The following DIAPH2 variants were observed in gnomAD, a reference collection of about 807,000 sequenced individuals.
The protein encoded by DIAPH2 is diaphanous related formin 2, also known as protein diaphanous homolog 2.
A neutral mutation model predicts 92.7 loss-of-function variants in DIAPH2; 35 were observed. The observed-to-expected ratio is 0.38, with a 90% CI of 0.29 to 0.50. The LOEUF is 0.50. Ranked by LOEUF, DIAPH2 falls within the 20% of genes least tolerant of loss-of-function variation. The probability of loss-of-function intolerance (pLI) is 0.94; values close to 1 mark genes in which losing one functional copy is unlikely to be tolerated. For missense variants in DIAPH2, 701 were observed against 819.5 expected, an observed-to-expected ratio of 0.86 and a Z score of 1.77; for synonymous variants, 301 against 280.4, an observed-to-expected ratio of 1.07 and a Z score of -0.73.
At chrX:97,424,326 C>T (rs1209379913) in intron 25 of DIAPH2, among the ~76,000 whole-genome samples, 1 of 110,753 alleles carries the variant, frequency 9.0e-6, no homozygotes, top group Non-Finnish European at 1.9e-5. Context: ...CAATATTACC[C>T]CAAAAGGGAT....
Position 97,477,002 on chromosome X carries a change from C to T in DIAPH2, c.3241+47257C>T, listed in dbSNP as rs1197284180. The stretch of plus-strand genomic sequence containing the variant: ...ATATATATACACACACACACACACA[C>T]ACACACACACACACACACACACATA... On this transcript the variant is annotated intron_variant, in intron 26 of 26. Transcript: ENST00000324765. Among the ~76,000 whole-genome samples, 79 of 91,779 alleles carry T rather than the reference C, an allele frequency of 8.6e-4. 3 individuals carry two copies. Among genetic ancestry groups the T allele is most frequent in the African/African-American group, 3.1e-3 (75 of 23,981 alleles). The allele number at this position is 91,779 out of a possible 115,157, so 79.7% of individuals were successfully genotyped here. A position where few individuals can be genotyped will look rare whatever the true frequency, so the allele number is the denominator to read the frequency against.
At chrX:97,391,052 T>C (rs1473484507) in intron 25 of DIAPH2, among the ~76,000 whole-genome samples, 2 of 111,220 alleles carry the variant, frequency 1.8e-5, no homozygotes, top group Non-Finnish European at 3.8e-5. Flanking sequence ...ATACTTGGAC[T>C]ATATGTGCCT....
At chrX:97,034,893 A>G (rs2066400088) in intron 17 of DIAPH2, among the ~76,000 whole-genome samples, 1 of 111,673 alleles carries the variant, frequency 9.0e-6, no homozygotes, top group Non-Finnish European at 1.9e-5. Context: ...CTACTTCTCA[A>G]ACCTTGTCAG....
chrX:97,109,313 C>A (rs144881189), intron 20 of DIAPH2, among the ~76,000 whole-genome samples: 1 of 110,840 alleles, frequency 9.0e-6, no homozygotes, highest in South Asian at 3.9e-4. Flanking sequence ...CCTGGCTACT[C>A]GGGAGGCTGA....
At chrX:96,739,511 A>G (rs1296704087) in intron 3 of DIAPH2, among the ~76,000 whole-genome samples, 1 of 111,634 alleles carries the variant, frequency 9.0e-6, no homozygotes, top group African/African-American at 3.3e-5. Flanking sequence ...AGGTCGCCTT[A>G]CACCAAAATA....
At chrX:97,499,356 A>G (rs766682121) in intron 26 of DIAPH2, among the ~76,000 whole-genome samples, 2 of 112,091 alleles carry the variant, frequency 1.8e-5, no homozygotes, top group African/African-American at 3.2e-5. Flanking sequence ...GTGATACATT[A>G]ATGAATAACC....
At chrX:97,176,936 C>T (rs2067497410) in intron 22 of DIAPH2, among the ~76,000 whole-genome samples, 1 of 111,922 alleles carries the variant, frequency 8.9e-6, no homozygotes, top group Non-Finnish European at 1.9e-5. Context: ...CTCCCATATA[C>T]TTTAAATCAT....
At chrX:96,939,063 G>A (rs1024579887) in intron 11 of DIAPH2, among the ~76,000 whole-genome samples, 2 of 111,054 alleles carry the variant, frequency 1.8e-5, no homozygotes, top group Non-Finnish European at 3.8e-5. Context: ...ATGCTCTTGA[G>A]GTCTGTCTCT....
intron 4 of DIAPH2, among the ~76,000 whole-genome samples, chrX:96,846,335 C>CG (rs1279181867): frequency 1.8e-5 from 2 of 110,286 alleles, no homozygotes; most frequent in Non-Finnish European, 3.8e-5. Flanking sequence ...TTAGCAGAGA[C>CG]GGGGTTTCAC....
chrX:96,933,522 A>ATG (rs1190983598), intron 10 of DIAPH2, among the ~76,000 whole-genome samples: 4 of 104,745 alleles, frequency 3.8e-5, no homozygotes, highest in South Asian at 8.5e-4. Flanking sequence ...GTATATATAT[A>ATG]TGTGTGTGTA....
chrX:96,893,520 C>T (rs889337997), intron 5 of DIAPH2, among the ~76,000 whole-genome samples: 1 of 111,802 alleles, frequency 8.9e-6, no homozygotes, highest in Non-Finnish European at 1.9e-5. Flanking sequence ...GGATATTGGA[C>T]AACAACAGTA....
chrX:97,178,135 A>T (rs2067508026), intron 22 of DIAPH2, among the ~76,000 whole-genome samples: 1 of 110,200 alleles, frequency 9.1e-6, no homozygotes, highest in Non-Finnish European at 1.9e-5. Context: ...CTTGGGGGGA[A>T]TGCTGATGCA....
intron 25 of DIAPH2, among the ~76,000 whole-genome samples, chrX:97,423,137 T>A (rs1427799245): frequency 1.8e-5 from 2 of 111,429 alleles, no homozygotes; most frequent in Non-Finnish European, 3.8e-5. Flanking sequence ...AACCCAAATC[T>A]TTTATAATGG....
At chrX:97,166,240 T>C (rs773068458) in intron 22 of DIAPH2, among the ~76,000 whole-genome samples, 146 of 111,792 alleles carry the variant, frequency 1.3e-3, no homozygotes, top group African/African-American at 4.5e-3. Context: ...AAAAGTAAGA[T>C]ATCATTGCTG....
chrX:97,494,792 C>T (rs2070747617), intron 26 of DIAPH2, among the ~76,000 whole-genome samples: 1 of 112,353 alleles, frequency 8.9e-6, no homozygotes, highest in Admixed American at 9.5e-5. Context: ...TGAGGCAGGA[C>T]AGAATCCAGC....
At chrX:97,400,719 T>G (rs1356412258) in intron 25 of DIAPH2, among the ~76,000 whole-genome samples, 1 of 111,419 alleles carries the variant, frequency 9.0e-6, no homozygotes, top group African/African-American at 3.3e-5. Context: ...CTTTCTGCTT[T>G]TATGAGATTG....
At chrX:96,814,965 C>T (rs1458243063) in intron 4 of DIAPH2, among the ~76,000 whole-genome samples, 2 of 111,899 alleles carry the variant, frequency 1.8e-5, no homozygotes, top group East Asian at 2.8e-4. Context: ...GGAGCTGTCT[C>T]CCAGTTAGGC....
intron 24 of DIAPH2, among the ~76,000 whole-genome samples, chrX:97,381,335 C>G (rs1023297732): frequency 9.0e-6 from 1 of 111,132 alleles, no homozygotes; most frequent in Non-Finnish European, 1.9e-5. Flanking sequence ...ATTAGATGAT[C>G]TTAGTCGATC....
intron 20 of DIAPH2, among the ~76,000 whole-genome samples, chrX:97,108,278 A>G (rs1309872686): frequency 9.0e-6 from 1 of 111,373 alleles, no homozygotes; most frequent in Admixed American, 9.5e-5. Context: ...ACATAATACA[A>G]TACCCTGGTC....
Sources: allele counts gnomAD v4.1 joint callset (sites outside exome capture counted in the v4.1 genomes callset), GRCh38; gene constraint gnomAD v4.1.1; transcripts MANE v1.5; gene names NCBI Gene and HGNC (gene_info 2026-07-23, HGNC 2026-07-21).